The following UBE3D variants were observed in gnomAD, a reference collection of about 807,000 sequenced individuals.
The protein encoded by UBE3D is ubiquitin protein ligase E3D.
UBE3D carries 48 observed loss-of-function variants against 49.6 expected under a neutral mutation model. That is an observed-to-expected ratio of 0.97 (90% CI 0.77 to 1.23). UBE3D has a LOEUF of 1.23. UBE3D is among the 50% of genes most tolerant of loss of function. UBE3D has a pLI of 0.00. For missense variants in UBE3D, 452 were observed against 468.4 expected (o/e 0.96, Z 0.32); for synonymous variants, 189 against 174.2 (o/e 1.08, Z -0.67).
intron 8 of UBE3D, among the ~76,000 whole-genome samples, chr6:83,006,333 T>C (rs990348184): frequency 6.6e-6 from 1 of 152,204 alleles, no homozygotes; most frequent in South Asian, 2.1e-4. Flanking sequence ...TATTTGGAGA[T>C]AGGACCCTGC....
At chr6:83,001,575 T>C (rs564234802) in intron 8 of UBE3D, among the ~76,000 whole-genome samples, 63 of 152,248 alleles carry the variant, frequency 4.1e-4, no homozygotes, top group African/African-American at 1.4e-3. Flanking sequence ...CTACACAAAA[T>C]TAACAGGATG....
chr6:82,968,661 C>T (rs1431188642), intron 8 of UBE3D, among the ~76,000 whole-genome samples: 5 of 152,112 alleles, frequency 3.3e-5, no homozygotes, highest in Admixed American at 3.3e-4. Context: ...TTTTCACAAC[C>T]AGTCATCAGA....
At chr6:82,983,772 T>C (rs1562150289) in intron 8 of UBE3D, among the ~76,000 whole-genome samples, 1 of 152,170 alleles carries the variant, frequency 6.6e-6, no homozygotes. Context: ...ACCAGTAATA[T>C]GATTATGAAA....
At chr6:83,061,872 C>G (rs746551710) in intron 1 of UBE3D, among the ~76,000 whole-genome samples, 12 of 152,190 alleles carry the variant, frequency 7.9e-5, no homozygotes, top group Non-Finnish European at 1.3e-4. Context: ...TCCCCCAACT[C>G]ACCCGCATCT....
chr6:83,008,632 C>T (rs968155914), intron 8 of UBE3D, among the ~76,000 whole-genome samples: 2 of 152,152 alleles, frequency 1.3e-5, no homozygotes, highest in Non-Finnish European at 2.9e-5. Flanking sequence ...ACCATAGTTA[C>T]ATTTTCTATT....
intron 8 of UBE3D, among the ~76,000 whole-genome samples, chr6:83,005,346 A>T (rs1344838804): frequency 2.0e-5 from 3 of 152,124 alleles, no homozygotes; most frequent in Admixed American, 2.0e-4. Context: ...GCTAGCAAGG[A>T]TGTGGAGAAA....
intron 9 of UBE3D, among the ~76,000 whole-genome samples, chr6:82,901,933 T>C (rs947765448): frequency 6.6e-6 from 1 of 152,156 alleles, no homozygotes; most frequent in Non-Finnish European, 1.5e-5. Context: ...AGAAAGCTAG[T>C]CTGTTAAAAG....
chr6:82,948,473 T>C (rs1313775425), intron 9 of UBE3D, among the ~76,000 whole-genome samples: 1 of 151,810 alleles, frequency 6.6e-6, no homozygotes, highest in African/African-American at 2.4e-5. Flanking sequence ...CAAACTATTC[T>C]GGAAAATAGA....
At chr6:83,035,425 T>C (rs1782181137) in intron 5 of UBE3D, among the ~76,000 whole-genome samples, 1 of 152,202 alleles carries the variant, frequency 6.6e-6, no homozygotes, top group African/African-American at 2.4e-5. Flanking sequence ...TTTTGAGACT[T>C]TGTTATTTGC....
intron 4 of UBE3D, among the ~76,000 whole-genome samples, chr6:83,043,331 A>G (rs1193245419): frequency 6.6e-6 from 1 of 151,908 alleles, no homozygotes; most frequent in Non-Finnish European, 1.5e-5. Flanking sequence ...ATTAGTATAT[A>G]TTTAGATTAA....
At chr6:82,886,658 C>T in the UBE3D span, among the ~76,000 whole-genome samples, 3 of 152,204 alleles carry the variant, frequency 2.0e-5, no homozygotes, top group African/African-American at 7.2e-5. Flanking sequence ...TTTTCTTTAT[C>T]AAGTTCTCTT....
downstream of UBE3D, among the ~76,000 whole-genome samples, chr6:82,887,566 G>A (rs546749740): frequency 1.9e-3 from 292 of 150,814 alleles, 2 homozygotes; most frequent in African/African-American, 6.5e-3. Flanking sequence ...AAAATTAGCC[G>A]GGCGTGGTGG....
intron 5 of UBE3D, chr6:83,032,339 T>C (rs752782767): frequency 8.9e-6 from 4 of 451,912 alleles, no homozygotes; most frequent in South Asian, 3.1e-5. Context: ...AAAGAGATCA[T>C]TTTGGAGCTT....
chr6:83,021,153 G>A (rs1270420368), intron 7 of UBE3D, among the ~76,000 whole-genome samples: 1 of 152,296 alleles, frequency 6.6e-6, no homozygotes, highest in East Asian at 1.9e-4. Context: ...AAGAAGGCCA[G>A]GCATGGTGGC....
chr6:82,979,570 C>A (rs1477689999), intron 8 of UBE3D, among the ~76,000 whole-genome samples: 3 of 152,172 alleles, frequency 2.0e-5, no homozygotes, highest in Non-Finnish European at 4.4e-5. Flanking sequence ...CTAAGCTAAA[C>A]ATTCCCCAAG....
At chr6:82,999,953 C>T (rs1038765524) in intron 8 of UBE3D, among the ~76,000 whole-genome samples, 4 of 152,186 alleles carry the variant, frequency 2.6e-5, no homozygotes, top group African/African-American at 9.7e-5. Flanking sequence ...CAACATCTTA[C>T]CTGACCTCTC....
At chr6:82,952,460 T>A (rs1319033102) in intron 9 of UBE3D, among the ~76,000 whole-genome samples, 1 of 151,982 alleles carries the variant, frequency 6.6e-6, no homozygotes, top group Non-Finnish European at 1.5e-5. Flanking sequence ...AGGGTCTCAC[T>A]CTCACCCAAG....
rs564186126 is a variant in UBE3D at position 83,041,984 on chromosome 6, A to G, written c.597+2444T>C. Among the ~76,000 whole-genome samples the G allele has an allele frequency of 2.9e-3, 437 of 152,094 alleles. 1 individual carries two copies. The highest frequency in any genetic ancestry group is 9.5e-3 in the African/African-American group (394 of 41,502). On this transcript the variant is annotated intron_variant, in intron 4 of 9. Coordinates refer to ENST00000369747, the MANE Select transcript of UBE3D (RefSeq NM_198920.3). ...GAGTGCAGTGGTGCAATCTTGGCTCACTGCAACCTCTGCCTCCCAGGTTCA... is the reference window on the plus strand; with the variant it reads ...GAGTGCAGTGGTGCAATCTTGGCTCGCTGCAACCTCTGCCTCCCAGGTTCA...
chr6:82,968,659 A>G (rs1033395780), intron 8 of UBE3D, among the ~76,000 whole-genome samples: 1 of 152,172 alleles, frequency 6.6e-6, no homozygotes, highest in African/African-American at 2.4e-5. Context: ...CATTTTCACA[A>G]CCAGTCATCA....
Sources: gnomAD v4.1 joint callset for allele counts (sites outside exome capture counted in the v4.1 genomes callset) on GRCh38, gnomAD v4.1.1 for gene constraint, MANE v1.5 for transcripts, NCBI Gene and HGNC (gene_info 2026-07-23, HGNC 2026-07-21) for gene names.